CLUH: variants seen among roughly 807,000 people sequenced by gnomAD.
CLUH encodes clustered mitochondria protein homolog.
A neutral mutation model predicts 139.3 loss-of-function variants in CLUH; 77 were observed. The ratio of observed to expected loss-of-function variants is 0.55; its 90% CI spans 0.46 to 0.67. The LOEUF is 0.67. Among genes scored for constraint, CLUH ranks in the 30% least tolerant of loss-of-function variants. The pLI, the probability that CLUH is intolerant of heterozygous loss-of-function variation, is 0.00. For missense variants in CLUH, 1,876 were observed against 1,875.8 expected, an observed-to-expected ratio of 1.00 and a Z score of 0.00; for synonymous variants, 999 against 801.6, an observed-to-expected ratio of 1.25 and a Z score of -4.16.
chr17:2,700,360 G>A (rs756835526), intron 9 of CLUH, 22 bp downstream of exon 9: 18 of 1,602,920 alleles, frequency 1.1e-5, no homozygotes, highest in Admixed American at 5.1e-5. Flanking sequence ...TCAGACTGCC[G>A]GTCAGCAGAG....
chr17:2,709,343 G>C (rs1278168424), intron 1 of CLUH, among the ~76,000 whole-genome samples: 1 of 152,160 alleles, frequency 6.6e-6, no homozygotes, highest in Non-Finnish European at 1.5e-5. Context: ...GCCTATGGAA[G>C]AACCTACAGA....
At chr17:2,692,140 G>A (rs559187909) in intron 22 of CLUH, 43 bp from the exon 23 acceptor site, 1 of 1,544,852 alleles carries the variant, frequency 6.5e-7, no homozygotes, top group Non-Finnish European at 8.8e-7. Flanking sequence ...GGCATAAGTG[G>A]GCTGGGTGTG....
chr17:2,698,023 G>A lies in CLUH; in HGVS notation c.1834C>T (p.Leu612Phe). The change falls in exon 10 of 26, where the codon CTC becomes TTC. Residue 612 changes from leucine (L) to phenylalanine (F), a missense_variant. Coordinates refer to ENST00000651024, the MANE Select transcript of CLUH (RefSeq NM_001366661.1). ...TCGCCAGGCACGGGCAGGAAGTTGA[G>A]GTCCGGGGGGAAGGTGCGCAGCAGG... ...LDLLRTFPPD[L>F]NFLPVPGEEL... is the part of the protein sequence containing the mutation. 4.4e-6 allele frequency: 7 copies of A among 1,604,506 alleles called. No individual in the cohort carries two copies. Among genetic ancestry groups the A allele is most frequent in the Non-Finnish European group, 5.9e-6 (7 of 1,178,832 alleles).
At chr17:2,692,139 G>A (rs778749998) in intron 22 of CLUH, 42 bp from the exon 23 acceptor site, 1 of 1,550,260 alleles carries the variant, frequency 6.5e-7, no homozygotes, top group Non-Finnish European at 8.7e-7. Context: ...GGGCATAAGT[G>A]GGCTGGGTGT....
Position 2,706,598 on chromosome 17 carries a change from C to A in CLUH, c.101-2034G>T, listed in dbSNP as rs368914685. ...GGATCCAACCGCCCCAGGAAGGGCA[C>A]CCCCAATCCCCTCGCACGTGAGCAG... On this transcript the variant is annotated intron_variant, in intron 1 of 25. Coordinates refer to ENST00000651024, the MANE Select transcript of CLUH (RefSeq NM_001366661.1). This position sits in a 1 kb window ranked among gnomAD's most constrained non-coding sequence, Gnocchi z 4.6. 6.6e-6 allele frequency among the ~76,000 whole-genome samples: 1 copy of A among 152,184 alleles called. No homozygotes were observed. Among genetic ancestry groups the A allele is most frequent in the Non-Finnish European group, 1.5e-5 (1 of 68,028 alleles).
intron 23 of CLUH, 54 bp from the exon 24 acceptor site, chr17:2,691,949 C>A (rs1248089765): frequency 4.2e-5 from 50 of 1,176,796 alleles, no homozygotes; most frequent in Admixed American, 7.0e-5. Context: ...GGCCCCGCCC[C>A]CGCCCCGCCA....
chr17:2,708,861 G>A (rs1216226957), intron 1 of CLUH, among the ~76,000 whole-genome samples: 3 of 35,192 alleles, frequency 8.5e-5, no homozygotes, highest in Non-Finnish European at 1.2e-4. Flanking sequence ...GCCTCTACTC[G>A]GGGGGGGGGG....
intron 1 of CLUH, among the ~76,000 whole-genome samples, chr17:2,705,436 G>C (rs2070324241): frequency 6.6e-6 from 1 of 152,024 alleles, no homozygotes; most frequent in South Asian, 2.1e-4. Context: ...TCCCTGCTGA[G>C]GTCTAAGGAC....
At position 2,696,526 on chromosome 17, in the gene CLUH, C is replaced by G; in HGVS notation, c.2198G>C (p.Ser733Thr). The G allele has an allele frequency of 6.4e-7, 1 of 1,571,746 alleles. No homozygotes were observed. Among genetic ancestry groups the G allele is most frequent in the East Asian group, 2.4e-5 (1 of 42,470 alleles). ...AADDGTADPR[S>T]REVIRNACKA... ...GCACGCGTTGCGGATCACCTCCCGG[C>G]TCCGAGGGTCTGCTGTGGAGACATG... The change falls in exon 12 of 26, where the codon AGC becomes ACC. Residue 733 changes from serine to threonine, a missense_variant. Physicochemically the swap from Ser to Thr is moderately conservative, Grantham distance 58 (BLOSUM62 1). This residue lies in a region of CLUH where 1,454 missense variants were observed against 1,384.4 expected (regional missense o/e 1.05). Coordinates refer to ENST00000651024, the MANE Select transcript of CLUH (RefSeq NM_001366661.1).
chr17:2,693,031 AC>A, intron 19 of CLUH, 171 bp from the exon 20 acceptor site: 1 of 513,584 alleles, frequency 1.9e-6, no homozygotes, highest in South Asian at 3.7e-5. Context: ...CTGCTGCCAC[AC>A]CTTGAAGGGC....
chr17:2,691,637 T>A lies in CLUH; in HGVS notation c.3835A>T (p.Ile1279Phe). ...AGAGGAATGAAGAGGATGCCGTTAA[T>A]GACGTTCAGCTGCTCCAAGACGCTG... is the stretch of plus-strand genomic sequence containing the variant. ...MASVLEQLNV[I>F]NGILFIPLSQ... Residue 1279 changes from isoleucine to phenylalanine, a missense_variant, in exon 25 of 26, where the codon ATT (isoleucine) becomes TTT (phenylalanine). Transcript: ENST00000651024. The A allele has an allele frequency of 6.2e-7, 1 of 1,612,616 alleles. No individual in the cohort carries two copies. Among genetic ancestry groups the A allele is most frequent in the Non-Finnish European group, 8.5e-7 (1 of 1,179,338 alleles).
intron 23 of CLUH, 49 bp downstream of exon 23, chr17:2,691,955 C>CCGCCCCCGCCCCCGCCCCCGCG (rs1486318615): frequency 2.3e-6 from 1 of 441,784 alleles, no homozygotes; most frequent in African/African-American, 3.0e-5. Context: ...GCCCCCGCCC[C>CCGCCCCCGCCCCCGCCCCCGCG]GCCACGCCCC....
Position 2,706,233 on chromosome 17 carries a change from A to C in CLUH, c.101-1669T>G, listed in dbSNP as rs140693243. The stretch of plus-strand genomic sequence containing the variant: ...CAGGGAAGGGATGAGGCCAGTACGG[A>C]AAGGCAGAGACCGGGGGGCCTGGAG... On this transcript the variant is annotated intron_variant, in intron 1 of 25. Coordinates refer to ENST00000651024, the MANE Select transcript of CLUH (RefSeq NM_001366661.1). The surrounding 1 kb of genome is among the most constrained non-coding windows in gnomAD (Gnocchi z 4.6). Among the ~76,000 whole-genome samples, 434 of 152,236 alleles carry C rather than the reference A, an allele frequency of 2.9e-3. 3 individuals are homozygous for C. The highest frequency in any genetic ancestry group is 9.9e-3 in the African/African-American group (411 of 41,532).
intron 12 of CLUH, 81 bp from the exon 13 acceptor site, chr17:2,696,340 A>T (rs1018621585): frequency 6.7e-7 from 1 of 1,501,276 alleles, no homozygotes; most frequent in Non-Finnish European, 9.1e-7. Flanking sequence ...AAGCGCTCAG[A>T]TGGGGGACAA....
At chr17:2,709,430 TC>T (rs925756922) in intron 1 of CLUH, among the ~76,000 whole-genome samples, 1 of 151,976 alleles carries the variant, frequency 6.6e-6, no homozygotes, top group Admixed American at 6.6e-5. Flanking sequence ...AGTTCAGAGT[TC>T]CTCAGGCTGC....
At chr17:2,697,180 T>C (rs1293137831) in intron 10 of CLUH, among the ~76,000 whole-genome samples, 6 of 151,964 alleles carry the variant, frequency 3.9e-5, no homozygotes, top group Non-Finnish European at 7.4e-5. Context: ...GGCAGATCAC[T>C]TGAGGTTGGG....
At position 2,704,578 on chromosome 17, in the gene CLUH, G is replaced by A. The variant is rs756327422; in HGVS notation, c.101-14C>T. The A allele has an allele frequency of 6.5e-7, 1 of 1,541,638 alleles. No individual in the cohort carries two copies. Among genetic ancestry groups the A allele is most frequent in the Non-Finnish European group, 8.7e-7 (1 of 1,143,738 alleles). On this transcript the variant is annotated splice_polypyrimidine_tract_variant and intron_variant, in intron 1 of 25. Transcript: ENST00000651024. The surrounding 1 kb of genome is among the most constrained non-coding windows in gnomAD (Gnocchi z 5.7). The stretch of plus-strand genomic sequence containing the variant: ...CTGATGGCAGCTCTGCGGGTGACAA[G>A]AACGGGTCAGAATCAGGCAGCCTCG...
In CLUH at chr17:2,707,935, GC is replaced by G. The variant is rs1167333853; in HGVS notation, c.101-3372del. ...CTTCCCAGAGGACAACTGCACCCGTGCCCCTGGCCTCCAGGCTCCATCAAGA... is the reference window on the plus strand; with the variant it reads ...CTTCCCAGAGGACAACTGCACCCGTGCCCTGGCCTCCAGGCTCCATCAAGA... On this transcript the variant is annotated intron_variant, in intron 1 of 25. Coordinates refer to ENST00000651024, the MANE Select transcript of CLUH (RefSeq NM_001366661.1). The surrounding 1 kb of genome is among the most constrained non-coding windows in gnomAD (Gnocchi z 7.4). 3.0e-6 allele frequency: 3 copies of G among 985,320 alleles called. No homozygotes were observed. Among genetic ancestry groups the G allele is most frequent in the Non-Finnish European group, 3.6e-6 (3 of 829,936 alleles). 61.0% of individuals were successfully genotyped at this position (985,320 alleles called of 1,614,324 possible).
chr17:2,694,782 C>T (rs564595292), intron 16 of CLUH, 75 bp downstream of exon 16: 15 of 1,455,430 alleles, frequency 1.0e-5, no homozygotes, highest in African/African-American at 5.7e-5. Flanking sequence ...AGGCCTTAGA[C>T]GCCATCTGGG....
Sources: allele counts gnomAD v4.1 joint callset (sites outside exome capture counted in the v4.1 genomes callset), GRCh38; gene constraint gnomAD v4.1.1; regional missense constraint gnomAD v4.1.1; non-coding constraint Gnocchi (gnomAD v3.1); transcripts MANE v1.5; gene names NCBI Gene and HGNC (gene_info 2026-07-23, HGNC 2026-07-21).